The following VPS37B variants were observed in gnomAD, a reference collection of about 807,000 sequenced individuals.
VPS37B encodes VPS37B subunit of ESCRT-I, also known as vacuolar protein sorting-associated protein 37B.
In VPS37B, 11 loss-of-function variants were observed where a neutral mutation model predicts 21.2. The observed-to-expected ratio is 0.52, with a 90% CI of 0.33 to 0.86. The LOEUF (loss-of-function observed/expected upper bound fraction) is 0.86, where lower values mean the gene tolerates loss of function less well. Ranked by LOEUF, VPS37B falls within the 40% of genes least tolerant of loss-of-function variation. The pLI, the probability that VPS37B is intolerant of heterozygous loss-of-function variation, is 0.03. For synonymous variants in VPS37B, 175 were observed against 159.6 expected, an observed-to-expected ratio of 1.10 and a Z score of -0.73; for missense variants, 389 against 374.8, an observed-to-expected ratio of 1.04 and a Z score of -0.31.
In VPS37B at chr12:122,866,321, CAAAA is replaced by C. The variant is rs1364216590; in HGVS notation, c.*791_*794del. ...TTTCCCTGAATGGTCTTGGGAGTGT[CAAAA>C]AAGTTTTTTCAATATAAAACAGGAA... On this transcript the variant is annotated 3_prime_UTR_variant, in exon 4 of 4. Coordinates refer to ENST00000267202, the MANE Select transcript of VPS37B (RefSeq NM_024667.3). 6.6e-6 allele frequency: 1 copy of C among 152,538 alleles called. No individual in the cohort carries two copies. The highest frequency in any genetic ancestry group is 1.5e-5 in the Non-Finnish European group (1 of 68,024). The allele number at this position is 152,538 out of a possible 1,614,324, so 9.4% of individuals were successfully genotyped here. A position where few individuals can be genotyped will look rare whatever the true frequency, so the allele number is the denominator to read the frequency against.
Position 122,870,898 on chromosome 12 carries a change from GTCT to G in VPS37B, c.272_274del (p.Lys91del), listed in dbSNP as rs764791543. On this transcript the variant is annotated inframe_deletion, in exon 2 of 4. Coordinates refer to ENST00000267202, the MANE Select transcript of VPS37B (RefSeq NM_024667.3). Reference sequence around the variant, plus strand: ...CACCCTTAAAAAGTTACCTAATTTGGTCTTCTTTATCTGATAGGCTTCAAAGAG... The same window carrying G: ...CACCCTTAAAAAGTTACCTAATTTGGTCTTTATCTGATAGGCTTCAAAGAG... 1.2e-6 allele frequency: 2 copies of G among 1,611,326 alleles called. No individual in the cohort carries two copies. Among genetic ancestry groups the G allele is most frequent in the Non-Finnish European group, 8.5e-7 (1 of 1,178,946 alleles).
intron 1 of VPS37B, among the ~76,000 whole-genome samples, chr12:122,894,265 ATGG>A (rs1452609907): frequency 6.6e-6 from 1 of 152,232 alleles, no homozygotes; most frequent in Admixed American, 6.5e-5. Context: ...ATTCTCCAAA[ATGG>A]AAGGTGCCAC....
chr12:122,866,536 A>T lies in VPS37B; in HGVS notation c.*580T>A, dbSNP rs1203224871. Reference sequence around the variant, plus strand: ...GGACTCGGCAGTGGGCCCAGTGCAAACTTTGCTTGTGGCTCTGAAGCAAGA... The same window carrying T: ...GGACTCGGCAGTGGGCCCAGTGCAATCTTTGCTTGTGGCTCTGAAGCAAGA... On this transcript the variant is annotated 3_prime_UTR_variant, in exon 4 of 4. Transcript: ENST00000267202. The T allele has an allele frequency of 6.6e-6, 1 of 152,550 alleles. No homozygotes were observed. Among genetic ancestry groups the T allele is most frequent in the East Asian group, 1.9e-4 (1 of 5,184 alleles). The allele number at this position is 152,550 out of a possible 1,614,324, so 9.4% of individuals were successfully genotyped here. A position where few individuals can be genotyped will look rare whatever the true frequency, so the allele number is the denominator to read the frequency against.
chr12:122,884,238 G>T (rs141795817), intron 1 of VPS37B: 1 of 152,354 alleles, frequency 6.6e-6, no homozygotes, highest in East Asian at 1.9e-4. Flanking sequence ...GGGTCCACTA[G>T]AAGTTCTTTT....
chr12:122,867,949 CCTGA>C lies in VPS37B; in HGVS notation c.367-346_367-343del, dbSNP rs1473882797. Reference sequence around the variant, plus strand: ...CCTCCTTGCTTCCACCCGGCTGCACCCTGACTGACAGACTCGCCCTGGGTGGGTA... The same window carrying C: ...CCTCCTTGCTTCCACCCGGCTGCACCCTGACAGACTCGCCCTGGGTGGGTA... On this transcript the variant is annotated intron_variant, in intron 3 of 3. Transcript: ENST00000267202. The surrounding 1 kb of genome is among the most constrained non-coding windows in gnomAD (Gnocchi z 5.5). Among the ~76,000 whole-genome samples the C allele has an allele frequency of 1.3e-5, 2 of 152,332 alleles. No individual in the cohort carries two copies. Among genetic ancestry groups the C allele is most frequent in the South Asian group, 2.1e-4 (1 of 4,830 alleles).
intron 1 of VPS37B, chr12:122,886,578 G>A (rs919032498): frequency 6.6e-6 from 1 of 152,160 alleles, no homozygotes; most frequent in Non-Finnish European, 1.5e-5. Flanking sequence ...TAGCCTGGGC[G>A]ACAGAGACCC....
chr12:122,886,270 C>CGAGA (rs1388038410), intron 1 of VPS37B: 6 of 152,140 alleles, frequency 3.9e-5, no homozygotes, highest in Non-Finnish European at 8.8e-5. Flanking sequence ...CAAGTGTGAA[C>CGAGA]GAGAAATACT....
chr12:122,887,293 G>A (rs2034343365), intron 1 of VPS37B: 1 of 152,058 alleles, frequency 6.6e-6, no homozygotes, highest in African/African-American at 2.4e-5. Flanking sequence ...TGGCGAGTGT[G>A]ACCAACCGCA....
At position 122,867,332 on chromosome 12, in the gene VPS37B, C is replaced by A. The variant is rs572174429; in HGVS notation, c.642G>T (p.Val214=). 2.6e-5 allele frequency: 41 copies of A among 1,579,488 alleles called. 1 individual carries two copies. The South Asian group carries it at 3.6e-4, about 14-fold the overall frequency. The change falls in exon 4 of 4, where the codon GTG becomes GTT. Residue 214 remains valine (V), a synonymous_variant. Coordinates refer to ENST00000267202, the MANE Select transcript of VPS37B (RefSeq NM_024667.3). The surrounding 1 kb of genome is among the most constrained non-coding windows in gnomAD (Gnocchi z 5.5). ...ACGGGGTGGCTAAGCGTCCCGCAGGCACCGGGGGTGGTGGGGGGGGGATGC... is the reference window on the plus strand; with the variant it reads ...ACGGGGTGGCTAAGCGTCCCGCAGGAACCGGGGGTGGTGGGGGGGGGATGC... ...PRRIPPPPPP[V]PAGRLATPFT...
At position 122,870,753 on chromosome 12, in the gene VPS37B, C is replaced by T; in HGVS notation, c.283+137G>A. 9.6e-6 allele frequency: 8 copies of T among 829,922 alleles called. No individual in the cohort carries two copies. In the South Asian group the frequency reaches 1.5e-4, roughly 15 times the overall value. 51.4% of individuals were successfully genotyped at this position (829,922 alleles called of 1,614,324 possible). ...AAAATAAATAAATAATATACATAAG[C>T]TATTTGTTCATTGCAGTAGAGTCGC... On this transcript the variant is annotated intron_variant, in intron 2 of 3. Transcript: ENST00000267202.
At position 122,867,239 on chromosome 12, in the gene VPS37B, G is replaced by T; in HGVS notation, c.735C>A (p.Pro245=). 1 of 1,570,224 alleles carries T rather than the reference G, an allele frequency of 6.4e-7. No individual in the cohort carries two copies. The highest frequency in any genetic ancestry group is 8.6e-7 in the Non-Finnish European group (1 of 1,162,020). ...CTTGCTGAGTGGGGAGGCCCACGCG[G>T]GGGGGCAGGGGCGGGCACTGTAATC... ...YPGLQCPPLP[P]RVGLPTQQGF... The change falls in exon 4 of 4, where the codon CCC becomes CCA. Residue 245 remains proline, a synonymous_variant. Coordinates refer to ENST00000267202, the MANE Select transcript of VPS37B (RefSeq NM_024667.3). This position sits in a 1 kb window ranked among gnomAD's most constrained non-coding sequence, Gnocchi z 5.5.
intron 1 of VPS37B, chr12:122,881,884 C>G (rs1366461185): frequency 6.6e-6 from 1 of 152,188 alleles, no homozygotes; most frequent in Non-Finnish European, 1.5e-5. Context: ...GTATAACCGT[C>G]TCCTAGGTTC....
At chr12:122,873,881 CTGAA>C (rs1385181360) in intron 1 of VPS37B, 1 of 152,202 alleles carries the variant, frequency 6.6e-6, no homozygotes, top group Non-Finnish European at 1.5e-5. Flanking sequence ...TGAAGATCTG[CTGAA>C]TGAATCAGAG....
intron 1 of VPS37B, 62 bp downstream of exon 1, chr12:122,895,890 G>T (rs758093848): frequency 4.6e-6 from 7 of 1,512,206 alleles, no homozygotes; most frequent in African/African-American, 2.8e-5. Flanking sequence ...TCCGGCCACC[G>T]TTCGAGGAGC....
chr12:122,893,564 C>G (rs2034446942), intron 1 of VPS37B, among the ~76,000 whole-genome samples: 2 of 152,120 alleles, frequency 1.3e-5, no homozygotes, highest in Non-Finnish European at 1.5e-5. Context: ...ACTACCATGA[C>G]CAAAAATTTC....
At chr12:122,884,609 C>T (rs546322714) in intron 1 of VPS37B, 17 of 152,068 alleles carry the variant, frequency 1.1e-4, no homozygotes, top group Non-Finnish European at 1.0e-4. Flanking sequence ...GATACCTAGT[C>T]ATGACCACCT....
intron 1 of VPS37B, chr12:122,887,703 C>T (rs1027791171): frequency 6.6e-6 from 1 of 152,252 alleles, no homozygotes; most frequent in Non-Finnish European, 1.5e-5. Flanking sequence ...ACCCTGTACA[C>T]CTGCATGATC....
At chr12:122,876,756 T>C (rs1486624403) in intron 1 of VPS37B, 1 of 150,650 alleles carries the variant, frequency 6.6e-6, no homozygotes, top group Non-Finnish European at 1.5e-5. Flanking sequence ...CAAATGCACA[T>C]GTCATTATTT....
intron 1 of VPS37B, chr12:122,878,385 A>AAAAAC (rs1171288485): frequency 6.6e-6 from 1 of 151,780 alleles, no homozygotes; most frequent in South Asian, 2.1e-4. Context: ...GAAAAGAAAG[A>AAAAAC]AAAACAAAAC....
Sources: gnomAD v4.1 joint callset for allele counts (sites outside exome capture counted in the v4.1 genomes callset) on GRCh38, gnomAD v4.1.1 for gene constraint, Gnocchi (gnomAD v3.1) non-coding constraint, MANE v1.5 for transcripts, NCBI Gene and HGNC (gene_info 2026-07-23, HGNC 2026-07-21) for gene names.